Variants in ZNF438 observed in about 807,000 individuals in gnomAD.
ZNF438 encodes zinc finger protein 438.
Under a neutral mutation model 38.0 loss-of-function variants are expected in ZNF438, and 25 were observed. The ratio of observed to expected loss-of-function variants is 0.66; its 90% confidence interval spans 0.48 to 0.92. ZNF438 has a LOEUF of 0.92. Ranked by LOEUF, ZNF438 falls within the 40% of genes least tolerant of loss-of-function variation. ZNF438 has a pLI of 0.00. For synonymous variants in ZNF438, 372 were observed against 364.1 expected (o/e 1.02, Z -0.25); for missense variants, 1,007 against 999.6 (o/e 1.01, Z -0.10).
intron 1 of ZNF438, among the ~76,000 whole-genome samples, chr10:30,949,702 C>A (rs2047924926): frequency 6.6e-6 from 1 of 151,944 alleles, no homozygotes; most frequent in Non-Finnish European, 1.5e-5. Context: ...GCTAACTATC[C>A]TAAATATATA....
intron 3 of ZNF438, among the ~76,000 whole-genome samples, chr10:30,898,291 A>G (rs906400134): frequency 2.6e-5 from 4 of 152,216 alleles, no homozygotes; most frequent in African/African-American, 9.6e-5. Flanking sequence ...AGAATAAAGT[A>G]GATCTAGGGA....
At chr10:30,886,152 G>A (rs2039923662) in intron 3 of ZNF438, among the ~76,000 whole-genome samples, 1 of 152,122 alleles carries the variant, frequency 6.6e-6, no homozygotes, top group Non-Finnish European at 1.5e-5. Context: ...ATACATATTA[G>A]TATTCCTTAG....
rs760905344 is a variant in ZNF438 at position 30,958,762 on chromosome 10, CTCAA to C, written c.-191-17115_-191-17112del. On this transcript the variant is annotated intron_variant, in intron 1 of 5. Coordinates refer to ENST00000413025, the Ensembl canonical transcript of ZNF438. ...AGTTCCCCTCTAATCTCCTTGCTAA[CTCAA>C]TCAGTTTCCCTTTTCTAGAAATTTC... Among the ~76,000 whole-genome samples the C allele has an allele frequency of 4.1e-5, 6 of 146,988 alleles. 1 individual carries two copies. Among genetic ancestry groups the C allele is most frequent in the African/African-American group, 4.9e-5 (2 of 41,108 alleles).
intron 1 of ZNF438, among the ~76,000 whole-genome samples, chr10:30,975,484 A>G (rs192721345): frequency 4.6e-5 from 7 of 152,342 alleles, no homozygotes; most frequent in Admixed American, 6.5e-5. Flanking sequence ...CAAGCTTACA[A>G]GCTACTAAAT....
intron 3 of ZNF438, among the ~76,000 whole-genome samples, chr10:30,903,891 AAG>A (rs2042310465): frequency 6.6e-6 from 1 of 152,152 alleles, no homozygotes; most frequent in African/African-American, 2.4e-5. Context: ...CTAGCCCCCA[AAG>A]AGTTTTCTGT....
chr10:30,849,467 T>C, exon 5 of ZNF438: 1 of 1,614,220 alleles, frequency 6.2e-7, no homozygotes, highest in Non-Finnish European at 8.5e-7. Context: ...ACCTGCAATG[T>C]TAGCATCTGA....
intron 1 of ZNF438, among the ~76,000 whole-genome samples, chr10:30,966,121 C>T (rs548857860): frequency 1.8e-4 from 27 of 152,156 alleles, no homozygotes; most frequent in East Asian, 1.9e-4. Flanking sequence ...CACTTGAGAA[C>T]AGGAGTTCTA....
At chr10:30,907,881 T>C (rs982886459) in intron 3 of ZNF438, among the ~76,000 whole-genome samples, 2 of 152,056 alleles carry the variant, frequency 1.3e-5, no homozygotes, top group Non-Finnish European at 2.9e-5. Flanking sequence ...TTTAGTTTGC[T>C]CTTCTTTTTC....
At chr10:30,915,076 TAAATG>T (rs1244726644) in intron 2 of ZNF438, among the ~76,000 whole-genome samples, 2 of 152,004 alleles carry the variant, frequency 1.3e-5, no homozygotes, top group Non-Finnish European at 2.9e-5. Flanking sequence ...CTTTGAAAAA[TAAATG>T]AAATATCATA....
At chr10:30,894,777 A>G (rs1254716688) in intron 3 of ZNF438, among the ~76,000 whole-genome samples, 2 of 152,220 alleles carry the variant, frequency 1.3e-5, no homozygotes, top group Non-Finnish European at 2.9e-5. Flanking sequence ...AAAACCATTC[A>G]AGCACTGGTT....
At chr10:30,951,363 A>G (rs1297853753) in intron 1 of ZNF438, among the ~76,000 whole-genome samples, 8 of 149,350 alleles carry the variant, frequency 5.4e-5, no homozygotes, top group East Asian at 3.9e-4. Flanking sequence ...CTCTCTCACC[A>G]CTCCTATTCA....
intron 1 of ZNF438, among the ~76,000 whole-genome samples, chr10:30,947,799 C>G (rs1014972263): frequency 6.6e-6 from 1 of 152,208 alleles, no homozygotes; most frequent in Non-Finnish European, 1.5e-5. Flanking sequence ...CAGGTGCCAT[C>G]TGTCACCCCT....
At chr10:30,898,567 AATAC>A (rs2041630766) in intron 3 of ZNF438, among the ~76,000 whole-genome samples, 2 of 152,158 alleles carry the variant, frequency 1.3e-5, no homozygotes, top group African/African-American at 2.4e-5. Flanking sequence ...ATATTTATAT[AATAC>A]ATACATAACT....
chr10:30,945,610 A>C (rs1410641776), intron 1 of ZNF438, among the ~76,000 whole-genome samples: 2 of 143,022 alleles, frequency 1.4e-5, no homozygotes, highest in Non-Finnish European at 3.1e-5. Flanking sequence ...TGTCCATGTG[A>C]TCTCATTGTT....
At chr10:30,986,193 G>C (rs956461218) in intron 1 of ZNF438, among the ~76,000 whole-genome samples, 2 of 152,108 alleles carry the variant, frequency 1.3e-5, no homozygotes, top group Non-Finnish European at 2.9e-5. Flanking sequence ...ATTTAACCCT[G>C]TTGTTAAGCA....
At position 30,912,309 on chromosome 10, in the gene ZNF438, T is replaced by C. The variant is rs1036308396; in HGVS notation, c.-114-3294A>G. Among the ~76,000 whole-genome samples the C allele has an allele frequency of 3.3e-5, 5 of 152,272 alleles. No individual in the cohort carries two copies. In the South Asian group the frequency reaches 1.0e-3, roughly 32 times the overall value. The stretch of plus-strand genomic sequence containing the variant: ...CATTCAGTCTTCATCTTACTGGACA[T>C]GTTAGCAGTAAAACCACCATTGTTC... On this transcript the variant is annotated intron_variant, in intron 2 of 5. Transcript: ENST00000413025.
chr10:30,849,573 C>T, exon 5 of ZNF438: 1 of 1,614,186 alleles, frequency 6.2e-7, no homozygotes, highest in South Asian at 1.1e-5. Flanking sequence ...ACTGCATTGC[C>T]AAGAATGGTT....
At chr10:30,871,387 G>C (rs1269602808) in intron 4 of ZNF438, among the ~76,000 whole-genome samples, 1 of 152,068 alleles carries the variant, frequency 6.6e-6, no homozygotes, top group East Asian at 1.9e-4. Flanking sequence ...AAAACTGTTT[G>C]AGAGTTTAAA....
At chr10:30,977,520 A>G (rs866785372) in intron 1 of ZNF438, among the ~76,000 whole-genome samples, 2 of 152,316 alleles carry the variant, frequency 1.3e-5, no homozygotes, top group African/African-American at 4.8e-5. Flanking sequence ...AGGAAAAAAG[A>G]AAGTCTAGGG....
Sources: gnomAD v4.1 joint callset for allele counts (sites outside exome capture counted in the v4.1 genomes callset) on GRCh38, gnomAD v4.1.1 for gene constraint, MANE v1.5 for transcripts, NCBI Gene and HGNC (gene_info 2026-07-23, HGNC 2026-07-21) for gene names.